The following KCNQ1 variants were observed in gnomAD, a reference collection of about 807,000 sequenced individuals.
The protein encoded by KCNQ1 is potassium voltage-gated channel subfamily KQT member 1.
A neutral mutation model predicts 72.4 loss-of-function variants in KCNQ1; 49 were observed. That is an observed-to-expected ratio of 0.68 (90% confidence interval 0.54 to 0.86). The LOEUF is 0.86. Among genes scored for constraint, KCNQ1 ranks in the 40% least tolerant of loss-of-function variants. The pLI, the probability that KCNQ1 is intolerant of heterozygous loss-of-function variation, is 0.00. For missense variants in KCNQ1, 790 were observed against 945.1 expected (o/e 0.84, Z 2.15); for synonymous variants, 450 against 412.6 (o/e 1.09, Z -1.10).
chr11:2,467,356 T>G (rs1025411590), intron 1 of KCNQ1, among the ~76,000 whole-genome samples: 1 of 152,234 alleles, frequency 6.6e-6, no homozygotes, highest in Admixed American at 6.5e-5. Context: ...TCTACCCTTT[T>G]GGTCCTCACG....
Position 2,600,956 on chromosome 11 carries a change from G to A in KCNQ1, c.1393+12102G>A, listed in dbSNP as rs80156875. 6.0e-4 allele frequency among the ~76,000 whole-genome samples: 91 copies of A among 151,972 alleles called. 1 individual carries two copies. In the East Asian group the frequency reaches 0.016, roughly 26 times the overall value. ...CACAGTGTATCTGCCCCTTATTAAC[G>A]ATGTTATTTTGATCACCAAATTGAG... On this transcript the variant is annotated intron_variant, in intron 10 of 15. Coordinates refer to ENST00000155840, the MANE Select transcript of KCNQ1 (RefSeq NM_000218.3). This position sits in a 1 kb window ranked among gnomAD's most constrained non-coding sequence, Gnocchi z 5.6.
chr11:2,460,225 C>T (rs1167115391), intron 1 of KCNQ1, among the ~76,000 whole-genome samples: 1 of 152,212 alleles, frequency 6.6e-6, no homozygotes, highest in East Asian at 1.9e-4. Context: ...CCTGCGTGAC[C>T]TGATTCTCTG....
Position 2,559,878 on chromosome 11 carries a change from G to T in KCNQ1, c.478-10750G>T, listed in dbSNP as rs1015262511. Among the ~76,000 whole-genome samples the T allele has an allele frequency of 2.6e-5, 4 of 151,928 alleles. No homozygotes were observed. Among genetic ancestry groups the T allele is most frequent in the Non-Finnish European group, 5.9e-5 (4 of 67,988 alleles). ...CTCTGTCTCTGGGGTCCCATGGGAA[G>T]TCAGGGTGGGGCCTGGTGTGTGGCT... On this transcript the variant is annotated intron_variant, in intron 2 of 15. Transcript: ENST00000155840. The surrounding 1 kb of genome is among the most constrained non-coding windows in gnomAD (Gnocchi z 4.9).
rs527747262 is a variant in KCNQ1 at position 2,848,844 on chromosome 11, C to T, written c.*841C>T. 1.8e-5 allele frequency: 8 copies of T among 454,176 alleles called. No homozygotes were observed. The East Asian group carries it at 4.9e-4, about 28-fold the overall frequency. The allele number at this position is 454,176 out of a possible 1,614,324, so 28.1% of individuals were successfully genotyped here. ...GCTGAGCCGCAGAGAAGTGACGGTTCCTACACAGGACAGGGGTTCCTTCTG... is the reference window on the plus strand; with the variant it reads ...GCTGAGCCGCAGAGAAGTGACGGTTTCTACACAGGACAGGGGTTCCTTCTG... On this transcript the variant is annotated 3_prime_UTR_variant, in exon 16 of 16. Coordinates refer to ENST00000155840, the MANE Select transcript of KCNQ1 (RefSeq NM_000218.3).
chr11:2,633,966 G>A (rs922016251), intron 10 of KCNQ1: 12 of 398,244 alleles, frequency 3.0e-5, no homozygotes, highest in African/African-American at 2.5e-4. Flanking sequence ...AACCTATACA[G>A]TTCAAATCTA....
intron 1 of KCNQ1, among the ~76,000 whole-genome samples, chr11:2,504,865 G>A (rs1847077644): frequency 6.6e-6 from 1 of 152,134 alleles, no homozygotes; most frequent in African/African-American, 2.4e-5. Context: ...TGTACTGTCT[G>A]TCTATGTTAG....
At chr11:2,838,278 C>T (rs1030920727) in intron 15 of KCNQ1, among the ~76,000 whole-genome samples, 11 of 152,168 alleles carry the variant, frequency 7.2e-5, no homozygotes, top group African/African-American at 2.4e-4. Flanking sequence ...GCCCGTCAGG[C>T]ACCTGGAGGA....
At chr11:2,499,360 C>T (rs1478520585) in intron 1 of KCNQ1, among the ~76,000 whole-genome samples, 1 of 151,970 alleles carries the variant, frequency 6.6e-6, no homozygotes, top group Non-Finnish European at 1.5e-5. Flanking sequence ...GAGAAAATCA[C>T]CTTCACTAAA....
At chr11:2,847,745 T>C (rs1457580709) in intron 15 of KCNQ1, 22 bp from the exon 16 acceptor site, 1 of 1,567,988 alleles carries the variant, frequency 6.4e-7, no homozygotes, top group Non-Finnish European at 8.7e-7. Context: ...ACTGACTCTC[T>C]CGTCTGCCTT....
chr11:2,827,534 G>A lies in KCNQ1; in HGVS notation c.1795-20233G>A, dbSNP rs578014904. Among the ~76,000 whole-genome samples the A allele has an allele frequency of 6.0e-5, 9 of 151,114 alleles. No individual in the cohort carries two copies. The highest frequency in any genetic ancestry group is 1.2e-4 in the Non-Finnish European group (8 of 67,864). ...TTCTGTCCACCCGCCGGAATGTGAC[G>A]CACGCCTGAGTCGCTGCAAGGGCCC... On this transcript the variant is annotated intron_variant, in intron 15 of 15. Transcript: ENST00000155840. This position sits in a 1 kb window ranked among gnomAD's most constrained non-coding sequence, Gnocchi z 6.7.
chr11:2,556,620 A>C (rs909928895), intron 2 of KCNQ1, among the ~76,000 whole-genome samples: 11 of 152,216 alleles, frequency 7.2e-5, no homozygotes, highest in Non-Finnish European at 1.2e-4. Context: ...AAAGCTTGTC[A>C]AGCCCTGTTC....
intron 1 of KCNQ1, chr11:2,461,499 T>A (rs755180165): frequency 3.2e-5 from 42 of 1,309,256 alleles, no homozygotes; most frequent in Admixed American, 6.6e-5. Flanking sequence ...GAAGGCACTG[T>A]CTTTGCGCCT....
Position 2,678,444 on chromosome 11 carries a change from C to G in KCNQ1, c.1514+16363C>G. 2.5e-6 allele frequency: 1 copy of G among 398,634 alleles called. No individual in the cohort carries two copies. Among genetic ancestry groups the G allele is most frequent in the Non-Finnish European group, 4.4e-6 (1 of 226,060 alleles). 24.7% of individuals were successfully genotyped at this position (398,634 alleles called of 1,614,324 possible). A position where few individuals can be genotyped will look rare whatever the true frequency, so the allele number is the denominator to read the frequency against. On this transcript the variant is annotated intron_variant, in intron 11 of 15. Coordinates refer to ENST00000155840, the MANE Select transcript of KCNQ1 (RefSeq NM_000218.3). The surrounding 1 kb of genome is among the most constrained non-coding windows in gnomAD (Gnocchi z 4.9). ...ATTTGAGTACATCATCATCTCTCTA[C>G]TAATTTCAACTGCTACCTTTATCAT... is the stretch of plus-strand genomic sequence containing the variant.
At chr11:2,793,284 GTC>G (rs1847067666) in intron 15 of KCNQ1, among the ~76,000 whole-genome samples, 1 of 152,208 alleles carries the variant, frequency 6.6e-6, no homozygotes, top group African/African-American at 2.4e-5. Context: ...CACTAGCAGG[GTC>G]ATGTGAGGGC....
chr11:2,499,574 T>C (rs933254946), intron 1 of KCNQ1, among the ~76,000 whole-genome samples: 1 of 149,860 alleles, frequency 6.7e-6, no homozygotes, highest in Non-Finnish European at 1.5e-5. Flanking sequence ...AGAAACACAT[T>C]TCAACCTATA....
At chr11:2,841,187 C>T (rs1391297342) in intron 15 of KCNQ1, among the ~76,000 whole-genome samples, 1 of 152,192 alleles carries the variant, frequency 6.6e-6, no homozygotes, top group Non-Finnish European at 1.5e-5. Context: ...CAGAGGACAG[C>T]GGGTGCAAAG....
rs1432875987 is a variant in KCNQ1 at position 2,478,423 on chromosome 11, G to A, written c.386+32939G>A. Reference sequence around the variant, plus strand: ...AATTGACTCACAGTTCCACATGGCTGGGGAGGCCTCACAATCACAGCAGAA... The same window carrying A: ...AATTGACTCACAGTTCCACATGGCTAGGGAGGCCTCACAATCACAGCAGAA... On this transcript the variant is annotated intron_variant, in intron 1 of 15. Coordinates refer to ENST00000155840, the MANE Select transcript of KCNQ1 (RefSeq NM_000218.3). The surrounding 1 kb of genome is among the most constrained non-coding windows in gnomAD (Gnocchi z 4.0). Among the ~76,000 whole-genome samples, 3 of 152,110 alleles carry A rather than the reference G, an allele frequency of 2.0e-5. No homozygotes were observed. Among genetic ancestry groups the A allele is most frequent in the Admixed American group, 2.0e-4 (3 of 15,276 alleles).
intron 11 of KCNQ1, among the ~76,000 whole-genome samples, chr11:2,701,339 C>T (rs956915076): frequency 6.6e-6 from 1 of 152,172 alleles, no homozygotes; most frequent in South Asian, 2.1e-4. Context: ...CTGCCTCCTG[C>T]TCAGCCCACA....
chr11:2,454,109 A>G lies in KCNQ1; in HGVS notation c.386+8625A>G, dbSNP rs374661561. 3.5e-4 allele frequency among the ~76,000 whole-genome samples: 53 copies of G among 152,016 alleles called. 1 individual carries two copies. The South Asian group carries it at 0.011, about 32-fold the overall frequency. On this transcript the variant is annotated intron_variant, in intron 1 of 15. Coordinates refer to ENST00000155840, the MANE Select transcript of KCNQ1 (RefSeq NM_000218.3). ...TTAAGTGAAAAAGCACAGTGAATAA[A>G]AATATAGCAGCTATTCTTCATCTGA... is the stretch of plus-strand genomic sequence containing the variant.
Sources: allele counts gnomAD v4.1 joint callset (sites outside exome capture counted in the v4.1 genomes callset), GRCh38; gene constraint gnomAD v4.1.1; non-coding constraint Gnocchi (gnomAD v3.1); transcripts MANE v1.5; gene names NCBI Gene and HGNC (gene_info 2026-07-23, HGNC 2026-07-21).